Variants in PPP6R3 observed in about 807,000 individuals in gnomAD.
PPP6R3 encodes serine/threonine-protein phosphatase 6 regulatory subunit 3.
In PPP6R3, 38 loss-of-function variants were observed where a neutral mutation model predicts 110.7. That is an observed-to-expected ratio of 0.34 (90% CI 0.26 to 0.45). PPP6R3 has a LOEUF of 0.45. PPP6R3 is among the 20% of genes least tolerant of loss of function. The pLI is 1.00. For synonymous variants in PPP6R3, 369 were observed against 373.5 expected (o/e 0.99, Z 0.14); for missense variants, 870 against 1,062.4 (o/e 0.82, Z 2.52).
intron 17 of PPP6R3, 146 bp downstream of exon 17, chr11:68,590,860 C>A: frequency 1.0e-6 from 1 of 978,138 alleles, no homozygotes; most frequent in Non-Finnish European, 1.4e-6. Context: ...TGTCCCACGG[C>A]CTACCTGGCA....
chr11:68,524,671 G>A (rs2099186815), intron 2 of PPP6R3, among the ~76,000 whole-genome samples: 1 of 152,158 alleles, frequency 6.6e-6, no homozygotes, highest in South Asian at 2.1e-4. Context: ...TGTCTGAAAA[G>A]GACTTTATAT....
At chr11:68,575,775 G>A (rs1346934872) in intron 13 of PPP6R3, among the ~76,000 whole-genome samples, 183 bp from the exon 14 acceptor site, 1 of 152,180 alleles carries the variant, frequency 6.6e-6, no homozygotes, top group Non-Finnish European at 1.5e-5. Context: ...CCTATGGAAG[G>A]TTTAATAATT....
intron 1 of PPP6R3, among the ~76,000 whole-genome samples, chr11:68,514,653 C>T (rs1023444697): frequency 6.6e-6 from 1 of 151,546 alleles, no homozygotes; most frequent in Non-Finnish European, 1.5e-5. Flanking sequence ...GGTGTGATCT[C>T]GGCTCACTGC....
intron 3 of PPP6R3, among the ~76,000 whole-genome samples, chr11:68,542,974 C>G (rs2099327800): frequency 6.6e-6 from 1 of 152,172 alleles, no homozygotes; most frequent in African/African-American, 2.4e-5. Context: ...CACATTAAGA[C>G]AGTTGAGTGA....
At chr11:68,557,244 C>T (rs1243145194) in intron 7 of PPP6R3, among the ~76,000 whole-genome samples, 1 of 152,200 alleles carries the variant, frequency 6.6e-6, no homozygotes, top group African/African-American at 2.4e-5. Flanking sequence ...ATCTCACAAG[C>T]AATTATTGCT....
Position 68,535,199 on chromosome 11 carries a change from C to T in PPP6R3, c.-6-2460C>T, listed in dbSNP as rs374558909. On this transcript the variant is annotated intron_variant, in intron 2 of 23. Transcript: ENST00000393800. ...CACGGCAAATGTGTTACATTGCCCA[C>T]TGGGTGGCTTCTGCGGATGCCCCTA... Among the ~76,000 whole-genome samples, 47 of 152,334 alleles carry T rather than the reference C, an allele frequency of 3.1e-4. 1 individual carries two copies. The highest frequency in any genetic ancestry group is 1.1e-3 in the African/African-American group (45 of 41,580).
intron 2 of PPP6R3, among the ~76,000 whole-genome samples, chr11:68,536,755 C>G (rs989588529): frequency 6.6e-6 from 1 of 152,120 alleles, no homozygotes; most frequent in Non-Finnish European, 1.5e-5. Flanking sequence ...TTGGGGGTTA[C>G]AGAGAGTCAG....
intron 1 of PPP6R3, among the ~76,000 whole-genome samples, chr11:68,471,537 C>T (rs753882397): frequency 1.3e-5 from 2 of 152,018 alleles, no homozygotes; most frequent in Non-Finnish European, 2.9e-5. Context: ...TGGAATTCAT[C>T]GACGATCTTG....
chr11:68,469,499 G>A (rs1014803471), intron 1 of PPP6R3, among the ~76,000 whole-genome samples: 5 of 151,650 alleles, frequency 3.3e-5, no homozygotes, highest in Non-Finnish European at 5.9e-5. Context: ...TCAGCCTCCC[G>A]AGTAGCTGGG....
At position 68,607,053 on chromosome 11, in the gene PPP6R3, G is replaced by A. The variant is rs564702943; in HGVS notation, c.2451-2851G>A. On this transcript the variant is annotated intron_variant, in intron 22 of 23. Coordinates refer to ENST00000393800, the MANE Select transcript of PPP6R3 (RefSeq NM_001164161.2). ...AGTCTCTATAGAGAAATCTGGACAA[G>A]TGGAGACCATGGCATAGCTTAGTGC... Among the ~76,000 whole-genome samples the A allele has an allele frequency of 2.0e-5, 3 of 152,218 alleles. 1 individual carries two copies. The South Asian group carries it at 6.2e-4, about 31-fold the overall frequency.
intron 4 of PPP6R3, among the ~76,000 whole-genome samples, chr11:68,545,666 T>C (rs912730124): frequency 6.6e-6 from 1 of 152,244 alleles, no homozygotes; most frequent in African/African-American, 2.4e-5. Context: ...ATGTAAGTTC[T>C]TGAGTCCTAT....
chr11:68,562,457 A>G (rs1202545906), intron 8 of PPP6R3, among the ~76,000 whole-genome samples: 1 of 152,244 alleles, frequency 6.6e-6, no homozygotes, highest in African/African-American at 2.4e-5. Context: ...TTGCACAAGA[A>G]TCAAAGTACA....
rs1186218705 is a variant in PPP6R3 at position 68,615,219 on chromosome 11, T to G, written c.*2102T>G. The stretch of plus-strand genomic sequence containing the variant: ...GGAGCAAGTGTGCCCTCATTTTGTT[T>G]CTACTTTTAATTTCTGTGTGTTGGC... On this transcript the variant is annotated 3_prime_UTR_variant, in exon 24 of 24. Coordinates refer to ENST00000393800, the MANE Select transcript of PPP6R3 (RefSeq NM_001164161.2). The G allele has an allele frequency of 1.0e-5, 4 of 388,032 alleles. No individual in the cohort carries two copies. The highest frequency in any genetic ancestry group is 2.1e-5 in the Non-Finnish European group (4 of 194,892). The allele number at this position is 388,032 out of a possible 1,614,324, so 24.0% of individuals were successfully genotyped here.
At chr11:68,477,743 T>TATATATATATATATATATATATAG (rs2098845245) in intron 1 of PPP6R3, among the ~76,000 whole-genome samples, 2 of 60,988 alleles carry the variant, frequency 3.3e-5, no homozygotes, top group Non-Finnish European at 6.9e-5. Flanking sequence ...AAAAAAAAAA[T>TATATATATATATATATATATATAG]ATATATATAT....
Position 68,479,242 on chromosome 11 carries a change from TA to T in PPP6R3, c.-158+18416del, listed in dbSNP as rs748118277. Among the ~76,000 whole-genome samples, 35 of 152,184 alleles carry T rather than the reference TA, an allele frequency of 2.3e-4. 1 individual carries two copies. The highest frequency in any genetic ancestry group is 2.9e-4 in the Non-Finnish European group (20 of 68,038). The stretch of plus-strand genomic sequence containing the variant: ...AAGCAGCATAGTTGTATCACTGGAA[TA>T]CCTGTAACCGCTATTAAACAGCAGC... On this transcript the variant is annotated intron_variant, in intron 1 of 23. Coordinates refer to ENST00000393800, the MANE Select transcript of PPP6R3 (RefSeq NM_001164161.2).
intron 2 of PPP6R3, among the ~76,000 whole-genome samples, chr11:68,525,135 G>C (rs1565602244): frequency 6.6e-6 from 1 of 152,124 alleles, no homozygotes; most frequent in Non-Finnish European, 1.5e-5. Context: ...TACTAGCTCT[G>C]GTCTTCAGTA....
intron 22 of PPP6R3, 177 bp downstream of exon 22, chr11:68,603,669 G>T (rs2099638591): frequency 1.4e-6 from 1 of 723,958 alleles, no homozygotes; most frequent in Non-Finnish European, 2.2e-6. Context: ...GAGAGTTTAG[G>T]CCCCTAAGTG....
chr11:68,613,603 C>T lies in PPP6R3; in HGVS notation c.*486C>T, dbSNP rs1944528049. ...CAAGGAGTTGTAGAATGAAAATGCC[C>T]TCTAAGTGTTATTTTGGTTGTTCTA... On this transcript the variant is annotated 3_prime_UTR_variant, in exon 24 of 24. Coordinates refer to ENST00000393800, the MANE Select transcript of PPP6R3 (RefSeq NM_001164161.2). 1.0e-6 allele frequency: 1 copy of T among 985,752 alleles called. No homozygotes were observed. Among genetic ancestry groups the T allele is most frequent in the Admixed American group, 6.1e-5 (1 of 16,272 alleles). The allele number at this position is 985,752 out of a possible 1,614,324, so 61.1% of individuals were successfully genotyped here.
At chr11:68,566,815 T>G (rs1298324295) in intron 9 of PPP6R3, among the ~76,000 whole-genome samples, 199 bp from the exon 10 acceptor site, 2 of 152,192 alleles carry the variant, frequency 1.3e-5, no homozygotes, top group Non-Finnish European at 2.9e-5. Flanking sequence ...CCAGGGAAAT[T>G]CCTTGCTTTT....
Sources: allele counts gnomAD v4.1 joint callset (sites outside exome capture counted in the v4.1 genomes callset), GRCh38; gene constraint gnomAD v4.1.1; transcripts MANE v1.5; gene names NCBI Gene and HGNC (gene_info 2026-07-23, HGNC 2026-07-21).